Variants in GRIN2A observed in about 807,000 individuals in gnomAD.
The protein encoded by GRIN2A is glutamate ionotropic receptor NMDA type subunit 2A.
A neutral mutation model predicts 113.4 loss-of-function variants in GRIN2A; 22 were observed. The observed-to-expected ratio is 0.19, with a 90% CI of 0.14 to 0.28. The LOEUF (loss-of-function observed/expected upper bound fraction) is 0.28. GRIN2A is among the 10% of genes least tolerant of loss of function. GRIN2A has a pLI of 1.00. For missense variants in GRIN2A, 1,502 were observed against 1,887.0 expected (o/e 0.80, Z 3.78); for synonymous variants, 827 against 738.4 (o/e 1.12, Z -1.94).
At chr16:9,940,995 T>A (rs933193947) in intron 2 of GRIN2A, among the ~76,000 whole-genome samples, 1 of 152,190 alleles carries the variant, frequency 6.6e-6, no homozygotes, top group Non-Finnish European at 1.5e-5. Context: ...AAAAATGTTC[T>A]AAATTACAAA....
intron 3 of GRIN2A, among the ~76,000 whole-genome samples, chr16:9,893,817 C>T (rs190797363): frequency 9.9e-5 from 15 of 152,246 alleles, no homozygotes; most frequent in African/African-American, 2.6e-4. Flanking sequence ...ATTATAGAGA[C>T]GACGGTCAAA....
chr16:10,080,176 A>G (rs2047951870), intron 2 of GRIN2A, among the ~76,000 whole-genome samples: 1 of 152,208 alleles, frequency 6.6e-6, no homozygotes, highest in South Asian at 2.1e-4. Flanking sequence ...TAGCACTGAG[A>G]TCTGATTTGC....
At chr16:9,885,150 T>C (rs2043563730) in intron 4 of GRIN2A, among the ~76,000 whole-genome samples, 1 of 152,132 alleles carries the variant, frequency 6.6e-6, no homozygotes, top group Admixed American at 6.6e-5. Context: ...AGAAGACACA[T>C]AGTTTCCTAC....
chr16:9,928,861 C>A (rs1012648390), intron 3 of GRIN2A, among the ~76,000 whole-genome samples: 7 of 152,204 alleles, frequency 4.6e-5, no homozygotes, highest in Non-Finnish European at 1.0e-4. Flanking sequence ...AATAAAACTG[C>A]CGGTAGGATT....
intron 2 of GRIN2A, among the ~76,000 whole-genome samples, chr16:9,993,880 T>G (rs2046173646): frequency 6.6e-6 from 1 of 152,232 alleles, no homozygotes; most frequent in Non-Finnish European, 1.5e-5. Flanking sequence ...AAGGATGCAT[T>G]CTTTGTTTTT....
At chr16:9,902,544 T>A (rs983714004) in intron 3 of GRIN2A, among the ~76,000 whole-genome samples, 2 of 152,212 alleles carry the variant, frequency 1.3e-5, no homozygotes, top group African/African-American at 4.8e-5. Flanking sequence ...TTCTGCCATT[T>A]AAAAAAATAA....
At chr16:9,968,363 G>C (rs550190713) in intron 2 of GRIN2A, among the ~76,000 whole-genome samples, 1 of 152,268 alleles carries the variant, frequency 6.6e-6, no homozygotes, top group Admixed American at 6.5e-5. Context: ...ACCCAGGCTG[G>C]AGTGCAATGG....
Position 10,111,733 on chromosome 16 carries a change from C to G in GRIN2A, c.414+68265G>C, listed in dbSNP as rs993904390. The stretch of plus-strand genomic sequence containing the variant: ...GTTTGAACAGGGCTTCATCACGGAC[C>G]CCGTGGTGCTGAGCCCCTCACACAC... On this transcript the variant is annotated intron_variant, in intron 2 of 12. Transcript: ENST00000330684. The G allele has an allele frequency of 9.2e-5, 140 of 1,529,320 alleles. 1 individual carries two copies. Among genetic ancestry groups the G allele is most frequent in the Middle Eastern group, 7.0e-4 (3 of 4,286 alleles). 94.7% of individuals were successfully genotyped at this position (1,529,320 alleles called of 1,614,324 possible).
At chr16:9,827,117 T>C (rs1454245600) in intron 9 of GRIN2A, among the ~76,000 whole-genome samples, 1 of 152,242 alleles carries the variant, frequency 6.6e-6, no homozygotes, top group African/African-American at 2.4e-5. Flanking sequence ...TATGTGGCTT[T>C]CTTTCATCCT....
At chr16:10,053,390 A>G (rs2047391998) in intron 2 of GRIN2A, among the ~76,000 whole-genome samples, 1 of 152,230 alleles carries the variant, frequency 6.6e-6, no homozygotes, top group African/African-American at 2.4e-5. Flanking sequence ...ACAACCCTCT[A>G]TGAATATTCC....
intron 2 of GRIN2A, among the ~76,000 whole-genome samples, chr16:10,125,142 T>A (rs1019532869): frequency 6.6e-6 from 1 of 152,204 alleles, no homozygotes; most frequent in Non-Finnish European, 1.5e-5. Flanking sequence ...AAATCTGTCT[T>A]ACAAAACCAT....
In GRIN2A at chr16:10,142,988, C is replaced by G. The variant is rs144804076; in HGVS notation, c.414+37010G>C. On this transcript the variant is annotated intron_variant, in intron 2 of 12. Transcript: ENST00000330684. ...TATATGTTTCCACAACTGCTGAAAG[C>G]AACTCATTATAGGAATTTGGTATAC... Among the ~76,000 whole-genome samples, 561 of 152,348 alleles carry G rather than the reference C, an allele frequency of 3.7e-3. 6 individuals are homozygous for G. Among genetic ancestry groups the G allele is most frequent in the Middle Eastern group, 0.02 (6 of 294 alleles).
intron 10 of GRIN2A, 39 bp from the exon 11 acceptor site, chr16:9,798,503 A>G: frequency 1.3e-6 from 2 of 1,552,336 alleles, no homozygotes; most frequent in Non-Finnish European, 1.8e-6. Context: ...AGGGGTGGCC[A>G]GGTACCACCT....
chr16:9,807,558 T>A (rs2042007730), intron 10 of GRIN2A, among the ~76,000 whole-genome samples: 1 of 152,120 alleles, frequency 6.6e-6, no homozygotes, highest in African/African-American at 2.4e-5. Context: ...TCCATCTAGC[T>A]GTAAGTACTT....
At chr16:9,785,281 C>A (rs1047116039) in intron 11 of GRIN2A, among the ~76,000 whole-genome samples, 1 of 151,974 alleles carries the variant, frequency 6.6e-6, no homozygotes, top group Non-Finnish European at 1.5e-5. Flanking sequence ...GAATTCATAT[C>A]CTTTGTAGGG....
rs143292624 is a variant in GRIN2A, at chr16:9,924,894, A to T, written c.1007+13065T>A. Among the ~76,000 whole-genome samples the T allele has an allele frequency of 4.6e-5, 7 of 152,236 alleles. No individual in the cohort carries two copies. The East Asian group carries it at 1.2e-3, about 25-fold the overall frequency. On this transcript the variant is annotated intron_variant, in intron 3 of 12. Coordinates refer to ENST00000330684, the MANE Select transcript of GRIN2A (RefSeq NM_001134407.3). ...TTTAAAAAACATTCTCTATGTCTCCACTTGAATTTTTGAACCTATGAAGTT... is the reference window on the plus strand; with the variant it reads ...TTTAAAAAACATTCTCTATGTCTCCTCTTGAATTTTTGAACCTATGAAGTT...
intron 2 of GRIN2A, among the ~76,000 whole-genome samples, chr16:10,054,364 A>T (rs2047409594): frequency 6.6e-6 from 1 of 152,242 alleles, no homozygotes; most frequent in South Asian, 2.1e-4. Flanking sequence ...TTTTACATCT[A>T]TCATATAAGC....
chr16:9,761,465 T>A lies in GRIN2A; in HGVS notation c.*1684A>T. Reference sequence around the variant, plus strand: ...GACTGAGGTCTTCTGCAAACACTGATGGCTAGTTATCCCAAATACTTCAAA... The same window carrying A: ...GACTGAGGTCTTCTGCAAACACTGAAGGCTAGTTATCCCAAATACTTCAAA... On this transcript the variant is annotated 3_prime_UTR_variant, in exon 13 of 13. Coordinates refer to ENST00000330684, the MANE Select transcript of GRIN2A (RefSeq NM_001134407.3). 1 of 230,954 alleles carries A rather than the reference T, an allele frequency of 4.3e-6. No homozygotes were observed. The highest frequency in any genetic ancestry group is 6.2e-5 in the East Asian group (1 of 16,260). 14.3% of individuals were successfully genotyped at this position (230,954 alleles called of 1,614,324 possible). A position where few individuals can be genotyped will look rare whatever the true frequency, so the allele number is the denominator to read the frequency against.
At chr16:10,156,802 T>C (rs1345424) in intron 2 of GRIN2A, among the ~76,000 whole-genome samples, 40,846 of 152,184 alleles carry the variant, frequency 0.27, 5,612 homozygotes, top group South Asian at 0.37. Flanking sequence ...ATACACCTTA[T>C]TTCATTCGAT....
Sources: gnomAD v4.1 joint callset for allele counts (sites outside exome capture counted in the v4.1 genomes callset) on GRCh38, gnomAD v4.1.1 for gene constraint, MANE v1.5 for transcripts, NCBI Gene and HGNC (gene_info 2026-07-23, HGNC 2026-07-21) for gene names.